Variants in DLGAP2 observed in about 807,000 individuals in gnomAD.
The protein encoded by DLGAP2 is disks large-associated protein 2.
Under a neutral mutation model 100.3 loss-of-function variants are expected in DLGAP2, and 26 were observed. The ratio of observed to expected loss-of-function variants is 0.26; its 90% CI spans 0.19 to 0.36. The LOEUF (loss-of-function observed/expected upper bound fraction) is 0.36, where lower values mean the gene tolerates loss of function less well. Ranked by LOEUF, DLGAP2 falls within the 10% of genes least tolerant of loss-of-function variation. The probability of loss-of-function intolerance (pLI) is 1.00; values close to 1 mark genes in which losing one functional copy is unlikely to be tolerated. For missense variants in DLGAP2, 1,858 were observed against 1,453.2 expected (o/e 1.28, Z -4.53); for synonymous variants, 886 against 630.1 (o/e 1.41, Z -6.08).
intron 3 of DLGAP2, among the ~76,000 whole-genome samples, chr8:1,494,046 G>A (rs946289103): frequency 6.6e-6 from 1 of 152,194 alleles, no homozygotes. Context: ...CTGCATCGGG[G>A]GGGGCAGTAG....
rs963925711 is a variant in DLGAP2, at chr8:1,133,060, G to A, written c.74-125791G>A. On this transcript the variant is annotated intron_variant, in intron 2 of 14. Coordinates refer to ENST00000637795, the MANE Select transcript of DLGAP2 (RefSeq NM_001346810.2). Reference sequence around the variant, plus strand: ...GGTGGGGTCCTTAGTCGGGGTCAGAGCCTGTGAAGGACAGTTCAAGGGCAG... The same window carrying A: ...GGTGGGGTCCTTAGTCGGGGTCAGAACCTGTGAAGGACAGTTCAAGGGCAG... Among the ~76,000 whole-genome samples, 7 of 152,318 alleles carry A rather than the reference G, an allele frequency of 4.6e-5. No homozygotes were observed. The South Asian group carries it at 1.5e-3, about 32-fold the overall frequency.
At chr8:1,469,212 C>T (rs1018899726) in intron 3 of DLGAP2, among the ~76,000 whole-genome samples, 6 of 152,264 alleles carry the variant, frequency 3.9e-5, no homozygotes, top group African/African-American at 1.4e-4. Context: ...TCCCCTCGCC[C>T]AGCTCCTGCA....
intron 1 of DLGAP2, among the ~76,000 whole-genome samples, chr8:780,798 G>A (rs952133308): frequency 5.9e-5 from 9 of 152,218 alleles, no homozygotes; most frequent in South Asian, 2.1e-4. Flanking sequence ...ACCAAAGGCT[G>A]GTGCCCTGTG....
chr8:1,468,697 C>T (rs1047614589), intron 3 of DLGAP2, among the ~76,000 whole-genome samples: 2 of 152,180 alleles, frequency 1.3e-5, no homozygotes, highest in African/African-American at 4.8e-5. Flanking sequence ...CCAGCCTGGG[C>T]AGTGTAAACC....
At chr8:956,015 C>T (rs1236857314) in intron 2 of DLGAP2, among the ~76,000 whole-genome samples, 3 of 152,138 alleles carry the variant, frequency 2.0e-5, no homozygotes, top group South Asian at 2.1e-4. Flanking sequence ...CCTTCATAGC[C>T]CTCTTCAGAA....
In DLGAP2 at chr8:1,214,425, G is replaced by C. The variant is rs370145302; in HGVS notation, c.74-44426G>C. On this transcript the variant is annotated intron_variant, in intron 2 of 14. Coordinates refer to ENST00000637795, the MANE Select transcript of DLGAP2 (RefSeq NM_001346810.2). Reference sequence around the variant, plus strand: ...ATCTCGTAGATTGGGACTGCAGGTAGCAAGCAGGGCTGTTTGGTGGTTTTA... The same window carrying C: ...ATCTCGTAGATTGGGACTGCAGGTACCAAGCAGGGCTGTTTGGTGGTTTTA... 5.3e-5 allele frequency among the ~76,000 whole-genome samples: 8 copies of C among 152,206 alleles called. 1 individual carries two copies. The highest frequency in any genetic ancestry group is 1.2e-4 in the Non-Finnish European group (8 of 68,044).
At chr8:1,434,753 G>A (rs1797566477) in intron 3 of DLGAP2, among the ~76,000 whole-genome samples, 1 of 152,186 alleles carries the variant, frequency 6.6e-6, no homozygotes, top group Admixed American at 6.5e-5. Flanking sequence ...GGGATTACAG[G>A]CTTGAGCCAC....
intron 2 of DLGAP2, among the ~76,000 whole-genome samples, chr8:1,136,002 C>G (rs868171241): frequency 1.3e-5 from 2 of 152,196 alleles, no homozygotes; most frequent in Admixed American, 6.5e-5. Flanking sequence ...CTCCAAAAAT[C>G]AAACTTTATT....
At chr8:972,697 G>C (rs944314748) in intron 2 of DLGAP2, among the ~76,000 whole-genome samples, 4 of 151,830 alleles carry the variant, frequency 2.6e-5, no homozygotes, top group African/African-American at 9.7e-5. Context: ...TAGGACAATA[G>C]TGGAGGAAAG....
At chr8:1,622,086 C>T (rs1471932637) in intron 6 of DLGAP2, 5 of 152,196 alleles carry the variant, frequency 3.3e-5, no homozygotes, top group African/African-American at 1.2e-4. Context: ...TAAGAATTTC[C>T]ATTTTGCAGG....
chr8:833,973 T>C (rs1563055333), intron 1 of DLGAP2, among the ~76,000 whole-genome samples: 1 of 152,232 alleles, frequency 6.6e-6, no homozygotes, highest in Non-Finnish European at 1.5e-5. Context: ...TCGTGCCTTT[T>C]CATTGGTGCA....
Position 1,437,217 on chromosome 8 carries a change from C to T in DLGAP2, c.107-64149C>T, listed in dbSNP as rs113736633. 3.1e-3 allele frequency among the ~76,000 whole-genome samples: 456 copies of T among 148,594 alleles called. 7 individuals carry two copies. Among genetic ancestry groups the T allele is most frequent in the African/African-American group, 0.01 (394 of 39,326 alleles). On this transcript the variant is annotated intron_variant, in intron 3 of 14. Coordinates refer to ENST00000637795, the MANE Select transcript of DLGAP2 (RefSeq NM_001346810.2). ...GTTCAGCCCAGGCGCGTAAGGGTGA[C>T]GCCATCCGGGTCTGCGTTCAGCCCA...
chr8:1,170,798 C>G (rs201145866), intron 2 of DLGAP2, among the ~76,000 whole-genome samples: 2 of 146,402 alleles, frequency 1.4e-5, no homozygotes, highest in East Asian at 3.9e-4. Context: ...GTCTTGCTAG[C>G]GGTCTATCAA....
intron 2 of DLGAP2, among the ~76,000 whole-genome samples, chr8:980,732 C>T (rs1385408680): frequency 6.6e-6 from 1 of 152,070 alleles, no homozygotes; most frequent in South Asian, 2.1e-4. Context: ...GACACGCTGG[C>T]TCAGCTGAGG....
At chr8:1,667,557 G>A (rs768654823) in intron 8 of DLGAP2, among the ~76,000 whole-genome samples, 8 of 152,142 alleles carry the variant, frequency 5.3e-5, no homozygotes, top group African/African-American at 9.7e-5. Context: ...TATTTTCTCC[G>A]TTACAGAAAC....
chr8:1,584,503 A>G (rs553275624), intron 6 of DLGAP2, among the ~76,000 whole-genome samples: 3 of 152,182 alleles, frequency 2.0e-5, no homozygotes, highest in South Asian at 4.1e-4. Flanking sequence ...CTGGCTCTTC[A>G]TTTTTAGTTT....
intron 3 of DLGAP2, among the ~76,000 whole-genome samples, chr8:1,475,788 T>G (rs1465327280): frequency 6.6e-6 from 1 of 152,178 alleles, no homozygotes; most frequent in African/African-American, 2.4e-5. Context: ...TATTCAATAA[T>G]GCTTCTAGTG....
In DLGAP2 at chr8:1,330,094, G is replaced by T. The variant is rs532264268; in HGVS notation, c.106+71211G>T. On this transcript the variant is annotated intron_variant, in intron 3 of 14. Coordinates refer to ENST00000637795, the MANE Select transcript of DLGAP2 (RefSeq NM_001346810.2). ...GTCACAGTCCCTCATGTGGGGTCGAGGTTTCTTTGTATCTTGCCCCTGCGA... is the reference window on the plus strand; with the variant it reads ...GTCACAGTCCCTCATGTGGGGTCGATGTTTCTTTGTATCTTGCCCCTGCGA... Among the ~76,000 whole-genome samples, 3 of 152,218 alleles carry T rather than the reference G, an allele frequency of 2.0e-5. No homozygotes were observed. The East Asian group carries it at 5.8e-4, about 29-fold the overall frequency.
At chr8:1,342,064 C>T (rs57325144) in intron 3 of DLGAP2, among the ~76,000 whole-genome samples, 3 of 152,210 alleles carry the variant, frequency 2.0e-5, no homozygotes, top group Middle Eastern at 3.4e-3. Context: ...GATTCTCTCA[C>T]CTCAGCTTCC....
Sources: gnomAD v4.1 joint callset for allele counts (sites outside exome capture counted in the v4.1 genomes callset) on GRCh38, gnomAD v4.1.1 for gene constraint, MANE v1.5 for transcripts, NCBI Gene and HGNC (gene_info 2026-07-23, HGNC 2026-07-21) for gene names.